DENND4C: variants seen among roughly 807,000 people sequenced by gnomAD.
DENND4C encodes DENN domain-containing protein 4C.
In DENND4C, 108 loss-of-function variants were observed where a neutral mutation model predicts 203.0. That is an observed-to-expected ratio of 0.53 (90% CI 0.46 to 0.62). DENND4C has a LOEUF of 0.62. Among genes scored for constraint, DENND4C ranks in the 20% least tolerant of loss-of-function variants. DENND4C has a pLI of 0.00. For missense variants in DENND4C, 2,481 were observed against 2,301.2 expected, an observed-to-expected ratio of 1.08 and a Z score of -1.60; for synonymous variants, 871 against 792.4, an observed-to-expected ratio of 1.10 and a Z score of -1.67.
intron 1 of DENND4C, among the ~76,000 whole-genome samples, chr9:19,269,466 T>C (rs1831185786): frequency 6.6e-6 from 1 of 152,214 alleles, no homozygotes; most frequent in Non-Finnish European, 1.5e-5. Flanking sequence ...GCCCCTTGAC[T>C]GTGTTTTCAA....
At chr9:19,250,008 G>A (rs926980238) in intron 1 of DENND4C, among the ~76,000 whole-genome samples, 3 of 152,122 alleles carry the variant, frequency 2.0e-5, no homozygotes, top group African/African-American at 7.2e-5. Flanking sequence ...GTCTTCAAAA[G>A]TTATATGTGG....
chr9:19,273,097 C>T (rs1281015433), intron 1 of DENND4C, among the ~76,000 whole-genome samples: 8 of 151,656 alleles, frequency 5.3e-5, no homozygotes, highest in African/African-American at 1.2e-4. Flanking sequence ...TACAGGCACC[C>T]GCCGCCACCA....
chr9:19,305,263 C>T lies in DENND4C; in HGVS notation c.1312-89C>T, dbSNP rs370136043. ...AAACAAAACAGACTTAACTGCTTTT[C>T]AGTGGTCCCTTTTCAGTAATACTAG... is the stretch of plus-strand genomic sequence containing the variant. On this transcript the variant is annotated intron_variant, in intron 9 of 32. Coordinates refer to ENST00000434457, the MANE Select transcript of DENND4C (RefSeq NM_001330640.2). 6.1e-4 allele frequency: 698 copies of T among 1,145,180 alleles called. 5 individuals carry two copies. In the South Asian group the frequency reaches 0.011, roughly 18 times the overall value. The allele number at this position is 1,145,180 out of a possible 1,614,324, so 70.9% of individuals were successfully genotyped here. A position where few individuals can be genotyped will look rare whatever the true frequency, so the allele number is the denominator to read the frequency against.
Position 19,276,255 on chromosome 9 carries a change from A to G in DENND4C, c.81A>G (p.Gln27=). 2 of 1,232,114 alleles carry G rather than the reference A, an allele frequency of 1.6e-6. No individual in the cohort carries two copies. The highest frequency in any genetic ancestry group is 2.0e-6 in the Non-Finnish European group (2 of 987,916). 76.3% of individuals were successfully genotyped at this position (1,232,114 alleles called of 1,614,324 possible). A position where few individuals can be genotyped will look rare whatever the true frequency, so the allele number is the denominator to read the frequency against. ...GLTDTSTLLD[Q]EINRLDTKST... is the part of the protein sequence containing the mutation. ...CTGACACATCTACTCTTTTGGATCA[A>G]GAAATAAATCGTTTAGATACTAAGT... The change falls in exon 2 of 33, where the codon CAA becomes CAG. Residue 27 remains glutamine, a synonymous_variant. Transcript: ENST00000434457.
At chr9:19,294,787 C>G (rs143816226) in intron 5 of DENND4C, among the ~76,000 whole-genome samples, 104 of 152,208 alleles carry the variant, frequency 6.8e-4, no homozygotes, top group African/African-American at 2.4e-3. Context: ...AAGCCAGACA[C>G]AAAAGCATAA....
intron 5 of DENND4C, chr9:19,292,340 T>A (rs1251675038): frequency 1.3e-5 from 2 of 151,812 alleles, no homozygotes; most frequent in Non-Finnish European, 2.9e-5. Flanking sequence ...CTATCCCGCC[T>A]CTTATTATAT....
At chr9:19,326,313 T>A in intron 15 of DENND4C, 119 bp downstream of exon 15, 1 of 1,025,988 alleles carries the variant, frequency 9.7e-7, no homozygotes, top group South Asian at 2.6e-5. Context: ...TTCAGTGAAC[T>A]AATGTAGATA....
intron 3 of DENND4C, among the ~76,000 whole-genome samples, chr9:19,287,417 G>A (rs947670518): frequency 4.0e-5 from 6 of 151,810 alleles, no homozygotes; most frequent in South Asian, 4.1e-4. Context: ...TTGCTTTGTC[G>A]CCCAGGCTGG....
At chr9:19,294,727 A>G (rs1837075714) in intron 5 of DENND4C, among the ~76,000 whole-genome samples, 1 of 152,238 alleles carries the variant, frequency 6.6e-6, no homozygotes, top group African/African-American at 2.4e-5. Context: ...TGAAATTCAG[A>G]TATTTGCTAC....
At chr9:19,240,186 C>G (rs1823319276) in intron 1 of DENND4C, among the ~76,000 whole-genome samples, 1 of 152,090 alleles carries the variant, frequency 6.6e-6, no homozygotes, top group Non-Finnish European at 1.5e-5. Flanking sequence ...GTGCAAGCAT[C>G]ATATAGTGTA....
chr9:19,317,490 A>G (rs1842054077), intron 12 of DENND4C, among the ~76,000 whole-genome samples: 1 of 152,180 alleles, frequency 6.6e-6, no homozygotes, highest in African/African-American at 2.4e-5. Flanking sequence ...CTACTGTTAT[A>G]TATGTAGTAG....
intron 1 of DENND4C, among the ~76,000 whole-genome samples, chr9:19,236,298 T>C (rs574224221): frequency 2.3e-4 from 35 of 152,344 alleles, no homozygotes; most frequent in Admixed American, 5.2e-4. Context: ...CAAAATATGC[T>C]GCAGGAGCAG....
chr9:19,255,948 A>G (rs1047660395), intron 1 of DENND4C, among the ~76,000 whole-genome samples: 3 of 152,126 alleles, frequency 2.0e-5, no homozygotes, highest in African/African-American at 7.2e-5. Flanking sequence ...AAGACAGACC[A>G]CATTCAGGCT....
intron 1 of DENND4C, among the ~76,000 whole-genome samples, chr9:19,241,691 G>T (rs1468123875): frequency 1.3e-5 from 2 of 151,986 alleles, no homozygotes; most frequent in East Asian, 3.8e-4. Context: ...ACTACCTCCT[G>T]AAGGAAACTG....
chr9:19,316,943 C>T (rs1302801982), intron 12 of DENND4C, 104 bp downstream of exon 12: 2 of 1,051,060 alleles, frequency 1.9e-6, no homozygotes, highest in African/African-American at 3.2e-5. Context: ...TACAAATTCA[C>T]ATTCAAATAT....
chr9:19,315,414 A>G (rs563738871), intron 10 of DENND4C, among the ~76,000 whole-genome samples: 7 of 151,634 alleles, frequency 4.6e-5, no homozygotes, highest in African/African-American at 7.2e-5. Context: ...AAAGTTTGTT[A>G]TATTTATGCT....
At position 19,237,880 on chromosome 9, in the gene DENND4C, C is replaced by G. The variant is rs1335944923; in HGVS notation, c.-18+7047C>G. On this transcript the variant is annotated intron_variant, in intron 1 of 32. Coordinates refer to ENST00000434457, the MANE Select transcript of DENND4C (RefSeq NM_001330640.2). Reference sequence around the variant, plus strand: ...TAATGTATTTTTAATTTCACTACATCCAAAATATTATTCAATATGTGTAGT... The same window carrying G: ...TAATGTATTTTTAATTTCACTACATGCAAAATATTATTCAATATGTGTAGT... 2.0e-5 allele frequency among the ~76,000 whole-genome samples: 3 copies of G among 152,174 alleles called. No individual in the cohort carries two copies. The East Asian group carries it at 5.8e-4, about 29-fold the overall frequency.
chr9:19,365,719 A>ATGAGCCGAGATCCCGCC (rs747777117), intron 30 of DENND4C, among the ~76,000 whole-genome samples: 7 of 150,316 alleles, frequency 4.7e-5, no homozygotes, highest in East Asian at 2.0e-4. Context: ...AGAACTGCAT[A>ATGAGCCGAGATCCCGCC]AGTTCAGCAA....
chr9:19,324,557 C>T (rs1188202832), intron 13 of DENND4C, 50 bp downstream of exon 13: 2 of 1,548,492 alleles, frequency 1.3e-6, no homozygotes, highest in East Asian at 4.5e-5. Flanking sequence ...TTTGCCTTAC[C>T]TGTGTAATTA....
Sources: gnomAD v4.1 joint callset for allele counts (sites outside exome capture counted in the v4.1 genomes callset) on GRCh38, gnomAD v4.1.1 for gene constraint, MANE v1.5 for transcripts, NCBI Gene and HGNC (gene_info 2026-07-23, HGNC 2026-07-21) for gene names.